The following BRINP3 variants were observed in gnomAD, a reference collection of about 807,000 sequenced individuals.
BRINP3 encodes BMP/retinoic acid inducible neural specific 3.
BRINP3 carries 19 observed loss-of-function variants against 71.0 expected under a neutral mutation model. That is an observed-to-expected ratio of 0.27 (90% CI 0.19 to 0.39). The LOEUF (loss-of-function observed/expected upper bound fraction) is 0.39. Ranked by LOEUF, BRINP3 falls within the 10% of genes least tolerant of loss-of-function variation. BRINP3 has a pLI of 1.00. For synonymous variants in BRINP3, 380 were observed against 337.7 expected, an observed-to-expected ratio of 1.13 and a Z score of -1.37; for missense variants, 959 against 940.8, an observed-to-expected ratio of 1.02 and a Z score of -0.25.
intron 2 of BRINP3, among the ~76,000 whole-genome samples, chr1:190,338,330 C>T (rs1667426119): frequency 6.6e-6 from 1 of 151,858 alleles, no homozygotes; most frequent in Non-Finnish European, 1.5e-5. Flanking sequence ...TAATAAAGGA[C>T]CTTATGTCTT....
At chr1:190,327,713 C>T (rs928921669) in intron 2 of BRINP3, among the ~76,000 whole-genome samples, 3 of 152,242 alleles carry the variant, frequency 2.0e-5, no homozygotes, top group Middle Eastern at 6.8e-3. Flanking sequence ...GACTTCAATA[C>T]TCCACTGACA....
intron 2 of BRINP3, among the ~76,000 whole-genome samples, chr1:190,406,959 C>T (rs1023226118): frequency 3.9e-5 from 6 of 151,970 alleles, no homozygotes; most frequent in African/African-American, 7.3e-5. Flanking sequence ...ACTGATCTTA[C>T]GATATTTCTG....
intron 6 of BRINP3, among the ~76,000 whole-genome samples, chr1:190,195,104 A>T (rs1241846019): frequency 6.6e-6 from 1 of 152,094 alleles, no homozygotes; most frequent in African/African-American, 2.4e-5. Flanking sequence ...CGAATGCATC[A>T]CATAAGAGCA....
intron 7 of BRINP3, among the ~76,000 whole-genome samples, chr1:190,118,526 G>A (rs1653340942): frequency 6.6e-6 from 1 of 151,930 alleles, no homozygotes; most frequent in Non-Finnish European, 1.5e-5. Flanking sequence ...ATTAACTCAC[G>A]TGGAACTCAC....
chr1:190,454,991 TCA>T, intron 1 of BRINP3, 51 bp from the exon 2 acceptor site: 1 of 857,204 alleles, frequency 1.2e-6, no homozygotes, highest in South Asian at 1.8e-5. Context: ...TTCCTTTCTC[TCA>T]GTTAAGGTGT....
chr1:190,396,139 G>A (rs1671552462), intron 2 of BRINP3, among the ~76,000 whole-genome samples: 1 of 151,444 alleles, frequency 6.6e-6, no homozygotes, highest in Non-Finnish European at 1.5e-5. Flanking sequence ...GTGTAGATGG[G>A]AAACCCAGGA....
chr1:190,311,078 TTGTACTTTCTTTC>T (rs1319363252), intron 2 of BRINP3, among the ~76,000 whole-genome samples: 2 of 151,708 alleles, frequency 1.3e-5, no homozygotes. Flanking sequence ...TTAAATTATG[TTGTACTTTCTTTC>T]TGACTCTGGG....
chr1:190,321,441 G>A (rs1427754259), intron 2 of BRINP3, among the ~76,000 whole-genome samples: 1 of 152,010 alleles, frequency 6.6e-6, no homozygotes, highest in Non-Finnish European at 1.5e-5. Context: ...AACATGAAGT[G>A]AAAATTATAA....
At chr1:190,355,011 C>A (rs187478892) in intron 2 of BRINP3, among the ~76,000 whole-genome samples, 1 of 151,830 alleles carries the variant, frequency 6.6e-6, no homozygotes, top group Non-Finnish European at 1.5e-5. Context: ...CCTAGTCTTT[C>A]TAAATTCTTC....
intron 6 of BRINP3, among the ~76,000 whole-genome samples, chr1:190,207,034 T>C (rs1388230968): frequency 6.6e-6 from 1 of 151,466 alleles, no homozygotes; most frequent in Non-Finnish European, 1.5e-5. Flanking sequence ...AAAAAAAAAT[T>C]CAAAATAAGT....
chr1:190,405,607 T>C (rs1672233469), intron 2 of BRINP3, among the ~76,000 whole-genome samples: 1 of 151,500 alleles, frequency 6.6e-6, no homozygotes, highest in Non-Finnish European at 1.5e-5. Flanking sequence ...ACCATATAAA[T>C]TAGTGCAGTA....
At chr1:190,320,903 A>T (rs1325851041) in intron 2 of BRINP3, among the ~76,000 whole-genome samples, 1 of 152,058 alleles carries the variant, frequency 6.6e-6, no homozygotes, top group Admixed American at 6.6e-5. Context: ...TTCATGAAAC[A>T]ATATTATCTG....
intron 2 of BRINP3, among the ~76,000 whole-genome samples, chr1:190,329,316 A>C (rs2103074630): frequency 6.6e-6 from 1 of 152,154 alleles, no homozygotes; most frequent in African/African-American, 2.4e-5. Flanking sequence ...GGAATGGATA[A>C]ATAACTTCAG....
chr1:190,396,988 A>ATGAC (rs1246987421), intron 2 of BRINP3, among the ~76,000 whole-genome samples: 1 of 151,810 alleles, frequency 6.6e-6, no homozygotes, highest in Admixed American at 6.6e-5. Context: ...AAGGGGATGT[A>ATGAC]TGACTTCCAT....
At chr1:190,299,884 C>T (rs1400709840) in intron 2 of BRINP3, among the ~76,000 whole-genome samples, 1 of 152,098 alleles carries the variant, frequency 6.6e-6, no homozygotes, top group Non-Finnish European at 1.5e-5. Flanking sequence ...TGGCCCCACT[C>T]TCTTCTGGCT....
intron 2 of BRINP3, among the ~76,000 whole-genome samples, chr1:190,343,164 G>A (rs1440737668): frequency 2.0e-5 from 3 of 151,798 alleles, no homozygotes; most frequent in African/African-American, 7.2e-5. Flanking sequence ...GTATAATGAG[G>A]AAGAACCACC....
At chr1:190,302,386 T>C (rs1171495993) in intron 2 of BRINP3, among the ~76,000 whole-genome samples, 1 of 150,800 alleles carries the variant, frequency 6.6e-6, no homozygotes, top group African/African-American at 2.4e-5. Flanking sequence ...CTATGACAAA[T>C]ATATCAAAAC....
chr1:190,101,894 T>A (rs1191306763), intron 7 of BRINP3, among the ~76,000 whole-genome samples: 1 of 152,202 alleles, frequency 6.6e-6, no homozygotes, highest in East Asian at 1.9e-4. Context: ...CAGCTTTCTG[T>A]CTTTTCCAAT....
At chr1:190,202,161 A>T (rs1655064125) in intron 6 of BRINP3, among the ~76,000 whole-genome samples, 1 of 152,162 alleles carries the variant, frequency 6.6e-6, no homozygotes, top group African/African-American at 2.4e-5. Flanking sequence ...AGACCATGCA[A>T]ACCTTCCTCT....
Sources: allele counts gnomAD v4.1 joint callset (sites outside exome capture counted in the v4.1 genomes callset), GRCh38; gene constraint gnomAD v4.1.1; transcripts MANE v1.5; gene names NCBI Gene and HGNC (gene_info 2026-07-23, HGNC 2026-07-21).